FGF13: variants seen among roughly 807,000 people sequenced by gnomAD.
FGF13 encodes fibroblast growth factor homologous factor 2.
A neutral mutation model predicts 19.5 loss-of-function variants in FGF13; 2 were observed. The observed-to-expected ratio is 0.10, with a 90% confidence interval of 0.04 to 0.32. The LOEUF (loss-of-function observed/expected upper bound fraction) is 0.32, where lower values mean the gene tolerates loss of function less well. Among genes scored for constraint, FGF13 ranks in the 10% least tolerant of loss-of-function variants. The pLI, the probability that FGF13 is intolerant of heterozygous loss-of-function variation, is 1.00. For missense variants in FGF13, 113 were observed against 192.7 expected (o/e 0.59, Z 2.45); for synonymous variants, 72 against 76.9 (o/e 0.94, Z 0.33).
chrX:138,674,100 G>C (rs1031326453), intron 3 of FGF13, among the ~76,000 whole-genome samples: 15 of 110,649 alleles, frequency 1.4e-4, no homozygotes, highest in Non-Finnish European at 1.1e-4. Flanking sequence ...TACTAAAAAG[G>C]AGAAGGTGGA....
intron 1 of FGF13, among the ~76,000 whole-genome samples, chrX:138,957,658 G>A (rs1228257185): frequency 8.9e-6 from 1 of 111,948 alleles, no homozygotes; most frequent in South Asian, 3.7e-4. Context: ...AGCATGGAAT[G>A]TTCTTCCATT....
At chrX:138,847,964 T>C (rs772164044) in intron 3 of FGF13, among the ~76,000 whole-genome samples, 1 of 111,868 alleles carries the variant, frequency 8.9e-6, no homozygotes, top group Non-Finnish European at 1.9e-5. Flanking sequence ...AGTACTTTTC[T>C]GGCATATCGT....
intron 1 of FGF13, among the ~76,000 whole-genome samples, chrX:139,052,702 C>A (rs1276324341): frequency 1.8e-5 from 2 of 111,754 alleles, no homozygotes; most frequent in Non-Finnish European, 3.8e-5. Flanking sequence ...ATTCGAAAGT[C>A]AACAAGCAAA....
intron 1 of FGF13, among the ~76,000 whole-genome samples, chrX:139,189,571 C>T (rs941966278): frequency 8.9e-6 from 1 of 111,933 alleles, no homozygotes; most frequent in African/African-American, 3.2e-5. Flanking sequence ...TAAATGAAAT[C>T]AGTCAGTCAC....
chrX:139,106,449 A>T (rs969926399), intron 1 of FGF13, among the ~76,000 whole-genome samples: 39 of 112,215 alleles, frequency 3.5e-4, no homozygotes, highest in African/African-American at 1.2e-3. Flanking sequence ...CTTTGCTTGC[A>T]GGAGCCCAGA....
chrX:139,190,878 C>G (rs1351202276), intron 1 of FGF13, among the ~76,000 whole-genome samples: 2 of 111,907 alleles, frequency 1.8e-5, no homozygotes, highest in Non-Finnish European at 3.8e-5. Flanking sequence ...CAAGAGGCCT[C>G]TAGGCTTGGT....
At chrX:138,676,029 C>G (rs1367834511) in intron 3 of FGF13, among the ~76,000 whole-genome samples, 1 of 111,434 alleles carries the variant, frequency 9.0e-6, no homozygotes, top group Non-Finnish European at 1.9e-5. Flanking sequence ...CAGTGTTCTG[C>G]TAAATCATCG....
intron 1 of FGF13, among the ~76,000 whole-genome samples, chrX:138,953,866 C>A (rs1280153846): frequency 1.8e-5 from 2 of 109,192 alleles, no homozygotes; most frequent in Admixed American, 9.8e-5. Flanking sequence ...CTAAAAAAGA[C>A]AAAACTAACC....
intron 1 of FGF13, among the ~76,000 whole-genome samples, chrX:138,908,325 A>G (rs1004942286): frequency 2.9e-5 from 3 of 103,493 alleles, no homozygotes; most frequent in East Asian, 6.1e-4. Context: ...TGATCCGCCC[A>G]CCTTGGCTCC....
chrX:138,793,626 A>G (rs1184584675), intron 3 of FGF13, among the ~76,000 whole-genome samples: 1 of 111,999 alleles, frequency 8.9e-6, no homozygotes, highest in Non-Finnish European at 1.9e-5. Context: ...GTATTAACCT[A>G]TACGTGTGAG....
chrX:138,857,493 G>A (rs771266326), downstream of FGF13: 42 of 1,157,663 alleles, frequency 3.6e-5, no homozygotes, highest in Non-Finnish European at 4.5e-5. Context: ...AGCAAAACAC[G>A]CGTCTGTCGT....
At chrX:139,059,430 A>AAGAG (rs769992893) in intron 1 of FGF13, among the ~76,000 whole-genome samples, 2 of 107,397 alleles carry the variant, frequency 1.9e-5, no homozygotes, top group East Asian at 2.9e-4. Flanking sequence ...TTAAAAAAAA[A>AAGAG]AGAGAGAGAG....
intron 1 of FGF13, among the ~76,000 whole-genome samples, chrX:139,042,641 T>C (rs900909242): frequency 5.4e-5 from 6 of 111,924 alleles, no homozygotes; most frequent in Middle Eastern, 4.6e-3. Context: ...AAATATTATT[T>C]TAAAGACAGA....
chrX:139,013,438 A>G (rs1028017696), intron 1 of FGF13, among the ~76,000 whole-genome samples: 2 of 100,706 alleles, frequency 2.0e-5, no homozygotes, highest in African/African-American at 7.4e-5. Context: ...ATATGAAACC[A>G]GCCCAAATGC....
intron 1 of FGF13, among the ~76,000 whole-genome samples, chrX:139,153,028 A>G (rs970302250): frequency 1.8e-5 from 2 of 111,253 alleles, no homozygotes; most frequent in Non-Finnish European, 3.8e-5. Context: ...TTAGGTGCTC[A>G]CTGTACTGTG....
intron 1 of FGF13, among the ~76,000 whole-genome samples, chrX:139,044,303 A>C (rs2124406411): frequency 9.0e-6 from 1 of 111,629 alleles, no homozygotes; most frequent in South Asian, 3.8e-4. Context: ...GGAAGCTTAC[A>C]ATCATGGTAG....
chrX:139,016,394 T>C (rs2092152896), intron 1 of FGF13, among the ~76,000 whole-genome samples: 1 of 111,607 alleles, frequency 9.0e-6, no homozygotes, highest in South Asian at 3.7e-4. Flanking sequence ...CAGTGAAAGA[T>C]CAAATCTTCT....
intron 1 of FGF13, among the ~76,000 whole-genome samples, chrX:139,179,374 C>CA (rs1417196772): frequency 1.8e-5 from 2 of 110,009 alleles, no homozygotes; most frequent in Non-Finnish European, 1.9e-5. Context: ...TCTCTTTTCG[C>CA]AAAAAATCAG....
chrX:139,194,596 C>G (rs1954092728), intron 1 of FGF13, among the ~76,000 whole-genome samples: 1 of 111,888 alleles, frequency 8.9e-6, no homozygotes, highest in South Asian at 3.8e-4. Context: ...TCTTGGCCTT[C>G]TATGCCTGCC....
Sources: allele counts gnomAD v4.1 joint callset (sites outside exome capture counted in the v4.1 genomes callset), GRCh38; gene constraint gnomAD v4.1.1; transcripts MANE v1.5; gene names NCBI Gene and HGNC (gene_info 2026-07-23, HGNC 2026-07-21).